Variants in SGK3 observed in about 807,000 individuals in gnomAD.
SGK3 encodes the protein serine/threonine-protein kinase Sgk3.
SGK3 carries 47 observed loss-of-function variants against 68.5 expected under a neutral mutation model. That is an observed-to-expected ratio of 0.69 (90% CI 0.54 to 0.87). The LOEUF is 0.87. Ranked by LOEUF, SGK3 falls within the 40% of genes least tolerant of loss-of-function variation. The probability of loss-of-function intolerance (pLI) is 0.00; values close to 1 mark genes in which losing one functional copy is unlikely to be tolerated. For missense variants in SGK3, 479 were observed against 575.5 expected, an observed-to-expected ratio of 0.83 and a Z score of 1.72; for synonymous variants, 181 against 189.1, an observed-to-expected ratio of 0.96 and a Z score of 0.35.
intron 15 of SGK3, among the ~76,000 whole-genome samples, chr8:66,848,163 G>A (rs570608679): frequency 3.3e-5 from 5 of 152,040 alleles, no homozygotes; most frequent in Non-Finnish European, 7.4e-5. Flanking sequence ...CTTCCTTTCC[G>A]TTGTTCCAGA....
At chr8:66,796,321 A>T (rs141827946) in intron 2 of SGK3, among the ~76,000 whole-genome samples, 482 of 41,260 alleles carry the variant, frequency 0.012, no homozygotes, top group Middle Eastern at 0.038. Context: ...TATTTTTTGT[A>T]TTTTTTTTTT....
chr8:66,733,794 T>A (rs1805235790), intron 1 of SGK3, among the ~76,000 whole-genome samples: 1 of 152,220 alleles, frequency 6.6e-6, no homozygotes, highest in Non-Finnish European at 1.5e-5. Flanking sequence ...CTTTTTCAAT[T>A]TTAACTAGGG....
intron 10 of SGK3, among the ~76,000 whole-genome samples, chr8:66,838,668 T>C (rs1809640918): frequency 1.3e-5 from 2 of 152,114 alleles, no homozygotes; most frequent in South Asian, 4.2e-4. Context: ...GGAAGGCTTG[T>C]CATCTGAAAG....
chr8:66,821,036 A>T lies in SGK3; in HGVS notation c.330-1336A>T, dbSNP rs1808791916. 2.0e-5 allele frequency among the ~76,000 whole-genome samples: 3 copies of T among 152,054 alleles called. No individual in the cohort carries two copies. In the South Asian group the frequency reaches 6.2e-4, roughly 32 times the overall value. On this transcript the variant is annotated intron_variant, in intron 5 of 16. Coordinates refer to ENST00000521198, the MANE Select transcript of SGK3 (RefSeq NM_001033578.3). The stretch of plus-strand genomic sequence containing the variant: ...CTCCTCTTTTTAAAAATAATTTTTC[A>T]TCTTTTGAGTTTCCTGGAAATAATC...
intron 1 of SGK3, among the ~76,000 whole-genome samples, chr8:66,748,089 A>G (rs193138356): frequency 4.6e-5 from 7 of 152,310 alleles, no homozygotes; most frequent in African/African-American, 1.7e-4. Flanking sequence ...AGGCCTCAGC[A>G]CCAGGCTCAG....
rs111950001 is a variant in SGK3 at position 66,819,582 on chromosome 8, T to C, written c.330-2790T>C. On this transcript the variant is annotated intron_variant, in intron 5 of 16. Coordinates refer to ENST00000521198, the MANE Select transcript of SGK3 (RefSeq NM_001033578.3). ...TAACAAGATGGGGAAATGTTTATTA[T>C]GTAATTTTAAAGTGAAAATTTAAAT... 6.7e-3 allele frequency among the ~76,000 whole-genome samples: 1,015 copies of C among 152,320 alleles called. 6 individuals carry two copies. Among genetic ancestry groups the C allele is most frequent in the Non-Finnish European group, 0.012 (797 of 68,018 alleles).
chr8:66,792,878 C>T (rs1585723403), intron 1 of SGK3, among the ~76,000 whole-genome samples: 1 of 152,272 alleles, frequency 6.6e-6, no homozygotes, highest in East Asian at 1.9e-4. Flanking sequence ...ATAGCCACTG[C>T]ATTCTAGCCT....
At chr8:66,781,400 G>A (rs898064321) in intron 1 of SGK3, among the ~76,000 whole-genome samples, 1 of 152,166 alleles carries the variant, frequency 6.6e-6, no homozygotes, top group African/African-American at 2.4e-5. Flanking sequence ...CAGGATGGGA[G>A]TACATTGGTG....
chr8:66,820,511 G>T (rs1808767786), intron 5 of SGK3, among the ~76,000 whole-genome samples: 1 of 152,128 alleles, frequency 6.6e-6, no homozygotes, highest in South Asian at 2.1e-4. Context: ...GCTGCTATGA[G>T]AAATCATGAA....
At chr8:66,828,630 G>A in intron 6 of SGK3, 24 bp from the exon 7 acceptor site, 2 of 1,613,508 alleles carry the variant, frequency 1.2e-6, no homozygotes, top group South Asian at 2.2e-5. Context: ...TAAGAATGTT[G>A]TTTTTCTTTC....
chr8:66,843,293 C>A (rs530593201), intron 13 of SGK3, among the ~76,000 whole-genome samples, 159 bp from the exon 14 acceptor site: 29 of 152,256 alleles, frequency 1.9e-4, no homozygotes, highest in Admixed American at 7.8e-4. Flanking sequence ...TAGCTAAGAA[C>A]CACTGGTGTA....
At chr8:66,736,723 G>A (rs764639839) in intron 1 of SGK3, among the ~76,000 whole-genome samples, 43 of 151,788 alleles carry the variant, frequency 2.8e-4, no homozygotes, top group Non-Finnish European at 5.1e-4. Context: ...AGGTTCAAGT[G>A]ATTCTACTGC....
chr8:66,717,221 AAAAAAACAAAAAAAAC>A (rs1804661113), intron 1 of SGK3, among the ~76,000 whole-genome samples: 1 of 115,154 alleles, frequency 8.7e-6, no homozygotes, highest in Non-Finnish European at 1.6e-5. Context: ...AAAAAAAACA[AAAAAAACAAAAAAAAC>A]AAAAAAAAAA....
At chr8:66,853,344 A>G (rs927491266) in intron 16 of SGK3, among the ~76,000 whole-genome samples, 5 of 152,240 alleles carry the variant, frequency 3.3e-5, no homozygotes, top group African/African-American at 1.2e-4. Flanking sequence ...ATGTGAGGCA[A>G]AAAAGCAGAT....
chr8:66,772,280 G>GTC (rs1189001920), intron 1 of SGK3, among the ~76,000 whole-genome samples: 6 of 149,124 alleles, frequency 4.0e-5, no homozygotes, highest in Non-Finnish European at 8.9e-5. Context: ...TAGAGACGGA[G>GTC]TCTCTCTGTA....
intron 1 of SGK3, among the ~76,000 whole-genome samples, chr8:66,789,140 C>T (rs1169816358): frequency 6.7e-6 from 1 of 149,800 alleles, no homozygotes; most frequent in South Asian, 2.1e-4. Flanking sequence ...AAAAAAAACA[C>T]TACATTTAGA....
intron 1 of SGK3, among the ~76,000 whole-genome samples, chr8:66,789,067 G>A (rs896629622): frequency 2.6e-5 from 4 of 151,604 alleles, no homozygotes; most frequent in Non-Finnish European, 4.4e-5. Context: ...AGAAAAGAAG[G>A]CATTTGCCAG....
At chr8:66,743,656 G>A (rs542308800) in intron 1 of SGK3, among the ~76,000 whole-genome samples, 66 of 152,332 alleles carry the variant, frequency 4.3e-4, no homozygotes, top group Non-Finnish European at 1.8e-4. Context: ...TGAGTAGCTG[G>A]GATTACAGGC....
intron 1 of SGK3, among the ~76,000 whole-genome samples, chr8:66,727,538 T>C (rs542891369): frequency 3.9e-5 from 6 of 152,286 alleles, no homozygotes; most frequent in South Asian, 4.1e-4. Context: ...TACAACAGCA[T>C]TGGGAGGTGG....
Sources: gnomAD v4.1 joint callset for allele counts (sites outside exome capture counted in the v4.1 genomes callset) on GRCh38, gnomAD v4.1.1 for gene constraint, MANE v1.5 for transcripts, NCBI Gene and HGNC (gene_info 2026-07-23, HGNC 2026-07-21) for gene names.